ZNF536: variants seen among roughly 807,000 people sequenced by gnomAD.
The protein encoded by ZNF536 is zinc finger protein 536.
In ZNF536, 13 loss-of-function variants were observed where a neutral mutation model predicts 84.5. That is an observed-to-expected ratio of 0.15 (90% CI 0.10 to 0.24). ZNF536 has a LOEUF of 0.24. ZNF536 is among the 10% of genes least tolerant of loss of function. ZNF536 has a pLI of 1.00. For synonymous variants in ZNF536, 811 were observed against 742.5 expected, an observed-to-expected ratio of 1.09 and a Z score of -1.50; for missense variants, 1,536 against 1,747.5, an observed-to-expected ratio of 0.88 and a Z score of 2.16.
chr19:30,563,709 CTGT>C (rs2046255347), intron 1 of ZNF536, among the ~76,000 whole-genome samples: 3 of 152,162 alleles, frequency 2.0e-5, no homozygotes, highest in Non-Finnish European at 4.4e-5. Context: ...GCAACAGGAG[CTGT>C]TGTGTGAGGT....
chr19:30,671,404 G>A (rs2050545937), intron 1 of ZNF536, among the ~76,000 whole-genome samples: 1 of 152,240 alleles, frequency 6.6e-6, no homozygotes, highest in South Asian at 2.1e-4. Context: ...TGCAGAGGGT[G>A]TGGAAGCAGT....
chr19:30,333,096 A>G (rs2047266700), intron 2 of ZNF536, among the ~76,000 whole-genome samples: 1 of 152,062 alleles, frequency 6.6e-6, no homozygotes. Flanking sequence ...GCCATTGCCC[A>G]TGGCAGATCA....
intron 2 of ZNF536, among the ~76,000 whole-genome samples, chr19:30,284,997 A>G (rs1419394519): frequency 6.6e-6 from 1 of 152,120 alleles, no homozygotes; most frequent in Non-Finnish European, 1.5e-5. Flanking sequence ...TTGCTGTTTT[A>G]TTCTTACCTT....
chr19:30,274,481 A>G (rs536837187), intron 1 of ZNF536, among the ~76,000 whole-genome samples: 1 of 152,372 alleles, frequency 6.6e-6, no homozygotes, highest in African/African-American at 2.4e-5. Context: ...TGCAATTTGT[A>G]GTTTACACTC....
At chr19:30,421,737 C>T (rs1220587462) in intron 1 of ZNF536, among the ~76,000 whole-genome samples, 1 of 152,160 alleles carries the variant, frequency 6.6e-6, no homozygotes. Context: ...ACCCTTGTCA[C>T]GCTCCCTGGG....
intron 1 of ZNF536, among the ~76,000 whole-genome samples, chr19:30,248,376 C>G (rs2024409899): frequency 6.6e-6 from 1 of 150,414 alleles, no homozygotes; most frequent in Non-Finnish European, 1.5e-5. Flanking sequence ...ATTACAGACA[C>G]CTGCCACCAT....
intron 1 of ZNF536, among the ~76,000 whole-genome samples, chr19:30,432,006 T>TATATATACAC (rs149223384): frequency 6.8e-6 from 1 of 146,082 alleles, no homozygotes; most frequent in African/African-American, 2.6e-5. Context: ...TATATATATA[T>TATATATACAC]ACACACACAC....
At chr19:30,633,002 G>A (rs2048946105) in intron 1 of ZNF536, among the ~76,000 whole-genome samples, 1 of 152,200 alleles carries the variant, frequency 6.6e-6, no homozygotes, top group Non-Finnish European at 1.5e-5. Flanking sequence ...GCTTGTGAGA[G>A]TTCTACCAGC....
chr19:30,424,166 C>G (rs2051110890), intron 1 of ZNF536, among the ~76,000 whole-genome samples: 1 of 152,222 alleles, frequency 6.6e-6, no homozygotes, highest in Non-Finnish European at 1.5e-5. Context: ...TCTCCACCTG[C>G]TCTGGGTGCC....
At chr19:30,248,972 A>C (rs2024453054) in intron 1 of ZNF536, among the ~76,000 whole-genome samples, 1 of 152,190 alleles carries the variant, frequency 6.6e-6, no homozygotes, top group African/African-American at 2.4e-5. Context: ...ACGGGGGTTT[A>C]ACCTCTCCCA....
intron 2 of ZNF536, among the ~76,000 whole-genome samples, chr19:30,465,730 A>G (rs201363202): frequency 6.6e-6 from 1 of 151,618 alleles, no homozygotes; most frequent in African/African-American, 2.4e-5. Flanking sequence ...ATGTCTATAA[A>G]AATTATTTTA....
At chr19:30,400,762 CTT>C (rs1297697084) in intron 1 of ZNF536, among the ~76,000 whole-genome samples, 4 of 152,136 alleles carry the variant, frequency 2.6e-5, no homozygotes. Flanking sequence ...AGATATGAGT[CTT>C]TGGTCAGATA....
chr19:30,298,948 G>A (rs1041653803), intron 2 of ZNF536, among the ~76,000 whole-genome samples: 5 of 152,182 alleles, frequency 3.3e-5, no homozygotes, highest in African/African-American at 1.2e-4. Flanking sequence ...CAATTCTGAA[G>A]TTGTAGCACA....
At chr19:30,291,901 C>T (rs776590387) in intron 2 of ZNF536, among the ~76,000 whole-genome samples, 8 of 151,974 alleles carry the variant, frequency 5.3e-5, no homozygotes, top group South Asian at 4.2e-4. Flanking sequence ...TTCGTGATAC[C>T]GGGACATTGT....
chr19:30,642,395 G>C (rs2042049271), intron 1 of ZNF536, among the ~76,000 whole-genome samples: 1 of 152,152 alleles, frequency 6.6e-6, no homozygotes, highest in African/African-American at 2.4e-5. Flanking sequence ...GGGGTTGACA[G>C]TCTGTCCTCC....
At chr19:30,350,182 G>A (rs1171061615) in intron 2 of ZNF536, among the ~76,000 whole-genome samples, 2 of 152,080 alleles carry the variant, frequency 1.3e-5, no homozygotes, top group South Asian at 4.1e-4. Flanking sequence ...GCTAAATTAT[G>A]TCTAATGAAC....
chr19:30,578,982 C>T (rs970923338), intron 1 of ZNF536, among the ~76,000 whole-genome samples: 2 of 152,182 alleles, frequency 1.3e-5, no homozygotes, highest in African/African-American at 4.8e-5. Context: ...CTTAGCTTTT[C>T]TGGGCTCCAG....
At chr19:30,370,456 C>G (rs766881426), upstream of ZNF536, among the ~76,000 whole-genome samples, 14 of 152,196 alleles carry the variant, frequency 9.2e-5, no homozygotes, top group Non-Finnish European at 1.8e-4. Context: ...CTCCCCTGAC[C>G]ATGATTGCAA....
intron 2 of ZNF536, among the ~76,000 whole-genome samples, chr19:30,473,781 C>A (rs1300011297): frequency 6.6e-6 from 1 of 152,234 alleles, no homozygotes; most frequent in Admixed American, 6.5e-5. Flanking sequence ...CCCTGCCCTT[C>A]TGGCCCATCC....
Sources: gnomAD v4.1 joint callset for allele counts (sites outside exome capture counted in the v4.1 genomes callset) on GRCh38, gnomAD v4.1.1 for gene constraint, MANE v1.5 for transcripts, NCBI Gene and HGNC (gene_info 2026-07-23, HGNC 2026-07-21) for gene names.